Variants in CTNNA3 observed in about 807,000 individuals in gnomAD.
CTNNA3 encodes catenin alpha 3, also known as catenin alpha-3.
Under a neutral mutation model 95.7 loss-of-function variants are expected in CTNNA3, and 76 were observed. The observed-to-expected ratio is 0.79, with a 90% CI of 0.66 to 0.96. The LOEUF (loss-of-function observed/expected upper bound fraction) is 0.96, where lower values mean the gene tolerates loss of function less well. CTNNA3 is among the 40% of genes least tolerant of loss of function. The pLI is 0.00. For missense variants in CTNNA3, 1,191 were observed against 1,089.8 expected, an observed-to-expected ratio of 1.09 and a Z score of -1.31; for synonymous variants, 431 against 374.4, an observed-to-expected ratio of 1.15 and a Z score of -1.74.
intron 5 of CTNNA3, among the ~76,000 whole-genome samples, chr10:67,514,774 A>G (rs930520786): frequency 9.9e-5 from 15 of 151,514 alleles, no homozygotes; most frequent in African/African-American, 3.6e-4. Flanking sequence ...AAATTTTGAA[A>G]CAACCCATAA....
At chr10:66,474,783 T>C (rs1839264173) in intron 11 of CTNNA3, among the ~76,000 whole-genome samples, 1 of 152,090 alleles carries the variant, frequency 6.6e-6, no homozygotes, top group Non-Finnish European at 1.5e-5. Flanking sequence ...TGAATTTCCC[T>C]GATGATTAGT....
chr10:66,293,961 G>A (rs559540832), intron 12 of CTNNA3, among the ~76,000 whole-genome samples: 50 of 151,956 alleles, frequency 3.3e-4, no homozygotes, highest in African/African-American at 1.1e-3. Context: ...CACCGTGCCC[G>A]GTCATCAGCA....
At chr10:66,014,490 AATTT>A (rs2133402248) in intron 15 of CTNNA3, among the ~76,000 whole-genome samples, 1 of 152,264 alleles carries the variant, frequency 6.6e-6, no homozygotes, top group South Asian at 2.1e-4. Flanking sequence ...AAAAGTTCCC[AATTT>A]ATTTCCCTCT....
intron 7 of CTNNA3, among the ~76,000 whole-genome samples, chr10:66,800,159 T>C (rs1240074898): frequency 6.6e-6 from 1 of 151,418 alleles, no homozygotes; most frequent in Non-Finnish European, 1.5e-5. Context: ...AAAAGACATT[T>C]AGAAGAATTA....
At chr10:67,384,797 T>G (rs1166672725) in intron 5 of CTNNA3, among the ~76,000 whole-genome samples, 3 of 152,208 alleles carry the variant, frequency 2.0e-5, no homozygotes, top group East Asian at 3.8e-4. Context: ...AGGCAGCTGC[T>G]ACATATAGAA....
intron 7 of CTNNA3, among the ~76,000 whole-genome samples, chr10:67,115,715 A>C (rs1859148293): frequency 6.6e-6 from 1 of 151,958 alleles, no homozygotes; most frequent in Non-Finnish European, 1.5e-5. Flanking sequence ...AAAACTTTTA[A>C]AGAAATTTGT....
At chr10:67,146,003 G>T (rs949854576) in intron 7 of CTNNA3, among the ~76,000 whole-genome samples, 1 of 152,026 alleles carries the variant, frequency 6.6e-6, no homozygotes, top group Non-Finnish European at 1.5e-5. Context: ...ATTGTTGTCA[G>T]GTGTTCCAAG....
intron 10 of CTNNA3, among the ~76,000 whole-genome samples, chr10:66,534,492 A>G (rs28734491): frequency 2.0e-5 from 1 of 51,126 alleles, no homozygotes; most frequent in African/African-American, 5.2e-5. Context: ...ATATATATAT[A>G]TATATATATG....
At chr10:66,497,270 A>C (rs1263013794) in intron 11 of CTNNA3, among the ~76,000 whole-genome samples, 2 of 152,032 alleles carry the variant, frequency 1.3e-5, no homozygotes, top group African/African-American at 4.8e-5. Context: ...AGAAAGTGAT[A>C]AAAGTTATAG....
At chr10:66,290,736 G>A (rs2091667362) in intron 12 of CTNNA3, among the ~76,000 whole-genome samples, 1 of 152,098 alleles carries the variant, frequency 6.6e-6, no homozygotes, top group African/African-American at 2.4e-5. Context: ...GAATTCTAGA[G>A]AGAAAGTCAA....
chr10:67,067,998 T>C (rs1180669697), intron 7 of CTNNA3, among the ~76,000 whole-genome samples: 2 of 152,242 alleles, frequency 1.3e-5, no homozygotes, highest in African/African-American at 4.8e-5. Flanking sequence ...GTCAAATTAG[T>C]AGGTAATCAA....
At chr10:66,890,462 A>T (rs1000083640) in intron 7 of CTNNA3, among the ~76,000 whole-genome samples, 1 of 151,922 alleles carries the variant, frequency 6.6e-6, no homozygotes, top group East Asian at 1.9e-4. Context: ...AAGAAAGGAG[A>T]GTGGTTCAAC....
At chr10:67,618,003 GA>G (rs1199057783) in intron 2 of CTNNA3, among the ~76,000 whole-genome samples, 1 of 151,838 alleles carries the variant, frequency 6.6e-6, no homozygotes, top group African/African-American at 2.4e-5. Context: ...AAAATGAGAA[GA>G]AAAACTATAA....
intron 1 of CTNNA3, among the ~76,000 whole-genome samples, chr10:67,742,073 C>T (rs188336514): frequency 6.6e-6 from 1 of 151,064 alleles, no homozygotes; most frequent in Non-Finnish European, 1.5e-5. Flanking sequence ...CTTTAACACC[C>T]CACTGTCAAC....
intron 2 of CTNNA3, among the ~76,000 whole-genome samples, chr10:67,636,112 G>A (rs1158512943): frequency 2.6e-5 from 4 of 152,074 alleles, no homozygotes; most frequent in Non-Finnish European, 5.9e-5. Context: ...GCTAACAAGG[G>A]AAGTGAAAGC....
intron 7 of CTNNA3, among the ~76,000 whole-genome samples, chr10:66,838,691 G>A (rs986500917): frequency 6.6e-6 from 1 of 152,152 alleles, no homozygotes; most frequent in Non-Finnish European, 1.5e-5. Context: ...GAGCTGCTGT[G>A]TTTTACACTG....
intron 11 of CTNNA3, among the ~76,000 whole-genome samples, chr10:66,422,084 C>T (rs2093200740): frequency 6.6e-6 from 1 of 151,542 alleles, no homozygotes; most frequent in Non-Finnish European, 1.5e-5. Context: ...ATAAACACAC[C>T]ATTCAATGTT....
intron 6 of CTNNA3, among the ~76,000 whole-genome samples, chr10:67,185,273 A>G (rs7068854): frequency 0.39 from 58,550 of 151,764 alleles, 15,978 homozygotes; most frequent in African/African-American, 0.78. Context: ...GACTACAGGT[A>G]CACGTCACCA....
intron 17 of CTNNA3, among the ~76,000 whole-genome samples, chr10:65,925,641 T>G (rs1046340254): frequency 6.6e-6 from 1 of 152,168 alleles, no homozygotes; most frequent in Non-Finnish European, 1.5e-5. Flanking sequence ...TTCACCATAT[T>G]GGCTAGGTCA....
Sources: gnomAD v4.1 joint callset for allele counts (sites outside exome capture counted in the v4.1 genomes callset) on GRCh38, gnomAD v4.1.1 for gene constraint, MANE v1.5 for transcripts, NCBI Gene and HGNC (gene_info 2026-07-23, HGNC 2026-07-21) for gene names.